The following TAC1 variants were observed in gnomAD, a reference collection of about 807,000 sequenced individuals.
The protein encoded by TAC1 is protachykinin-1.
In TAC1, 12 loss-of-function variants were observed where a neutral mutation model predicts 21.7. The observed-to-expected ratio is 0.55, with a 90% confidence interval of 0.35 to 0.89. TAC1 has a LOEUF of 0.89. Ranked by LOEUF, TAC1 falls within the 40% of genes least tolerant of loss-of-function variation. The pLI, the probability that TAC1 is intolerant of heterozygous loss-of-function variation, is 0.01. For synonymous variants in TAC1, 52 were observed against 52.0 expected (o/e 1.00, Z 0.00); for missense variants, 128 against 151.4 (o/e 0.85, Z 0.81).
At position 97,732,500 on chromosome 7, in the gene TAC1, T is replaced by C; in HGVS notation, c.-9-104T>C. The C allele has an allele frequency of 7.3e-7, 1 of 1,363,370 alleles. No individual in the cohort carries two copies. The highest frequency in any genetic ancestry group is 1.3e-5 in the South Asian group (1 of 76,160). 84.5% of individuals were successfully genotyped at this position (1,363,370 alleles called of 1,614,324 possible). ...TCCTTATGTTTTTGATCTTGGTTCA[T>C]CCGTTGTGGGGCAGAAAATTCTGTT... is the stretch of plus-strand genomic sequence containing the variant. On this transcript the variant is annotated intron_variant, in intron 1 of 6. Transcript: ENST00000319273. This position sits in a 1 kb window ranked among gnomAD's most constrained non-coding sequence, Gnocchi z 6.2.
At chr7:97,736,240 T>G in intron 5 of TAC1, 59 bp from the exon 6 acceptor site, 1 of 1,418,372 alleles carries the variant, frequency 7.1e-7, no homozygotes, top group Non-Finnish European at 9.8e-7. Flanking sequence ...GTTCTGGTTA[T>G]AATAGTTTGT....
At position 97,734,813 on chromosome 7, in the gene TAC1, A is replaced by C. The variant is rs1417228235; in HGVS notation, c.266-13A>C. 1.9e-6 allele frequency: 3 copies of C among 1,588,568 alleles called. No individual in the cohort carries two copies. Among genetic ancestry groups the C allele is most frequent in the Admixed American group, 3.4e-5 (2 of 57,984 alleles). On this transcript the variant is annotated splice_polypyrimidine_tract_variant and intron_variant, in intron 4 of 6. Transcript: ENST00000319273. ...AAATCTATATGTGTTTGCTAATTTTATCTTTCTTCTAGGACATGGCCAGAT... is the reference window on the plus strand; with the variant it reads ...AAATCTATATGTGTTTGCTAATTTTCTCTTTCTTCTAGGACATGGCCAGAT...
At chr7:97,739,781 T>C in intron 6 of TAC1, 93 bp from the exon 7 acceptor site, 1 of 819,004 alleles carries the variant, frequency 1.2e-6, no homozygotes, top group Non-Finnish European at 1.9e-6. Context: ...TCATTATGAG[T>C]TTAAAATAAA....
At chr7:97,733,456 G>T (rs990738904) in intron 2 of TAC1, among the ~76,000 whole-genome samples, 3 of 152,094 alleles carry the variant, frequency 2.0e-5, no homozygotes, top group Admixed American at 2.0e-4. Context: ...CCCGGGCTGG[G>T]AGGAAAGAGC....
chr7:97,732,807 G>A lies in TAC1; in HGVS notation c.123+72G>A. The A allele has an allele frequency of 3.2e-6, 5 of 1,552,628 alleles. No homozygotes were observed. Among genetic ancestry groups the A allele is most frequent in the South Asian group, 1.2e-5 (1 of 85,198 alleles). ...GGAGCTGTCACCTTCCCACGCAACA[G>A]CACCCTAGTTAACGTGGCACGCACC... On this transcript the variant is annotated intron_variant, in intron 2 of 6. Coordinates refer to ENST00000319273, the MANE Select transcript of TAC1 (RefSeq NM_003182.3). This position sits in a 1 kb window ranked among gnomAD's most constrained non-coding sequence, Gnocchi z 6.2.
At position 97,739,926 on chromosome 7, in the gene TAC1, T is replaced by C; in HGVS notation, c.*6T>C. ...ATTATGAAAGAAGACGTTAATAAAC[T>C]ACCTAACATTATTTATTCAGCTTCA... On this transcript the variant is annotated 3_prime_UTR_variant, in exon 7 of 7. Transcript: ENST00000319273. The C allele has an allele frequency of 6.3e-7, 1 of 1,594,924 alleles. No individual in the cohort carries two copies.
chr7:97,734,737 T>G, intron 4 of TAC1, 89 bp from the exon 5 acceptor site: 1 of 1,009,302 alleles, frequency 9.9e-7, no homozygotes, highest in Non-Finnish European at 1.5e-6. Flanking sequence ...TGTTACATAT[T>G]TTGAGAATCA....
Position 97,739,939 on chromosome 7 carries a change from T to C in TAC1, c.*19T>C, listed in dbSNP as rs770418943. ...ACGTTAATAAACTACCTAACATTAT[T>C]TATTCAGCTTCATTTGTGTCAATGG... On this transcript the variant is annotated 3_prime_UTR_variant, in exon 7 of 7. Transcript: ENST00000319273. The C allele has an allele frequency of 4.4e-6, 7 of 1,579,312 alleles. No homozygotes were observed. Among genetic ancestry groups the C allele is most frequent in the Non-Finnish European group, 6.1e-6 (7 of 1,156,760 alleles).
chr7:97,736,656 G>A (rs1789580321), intron 6 of TAC1, among the ~76,000 whole-genome samples: 2 of 152,022 alleles, frequency 1.3e-5, no homozygotes, highest in Admixed American at 6.5e-5. Flanking sequence ...TAAATAAGCC[G>A]TGTTTAACCT....
At chr7:97,735,019 A>G (rs930538802) in intron 5 of TAC1, among the ~76,000 whole-genome samples, 170 bp downstream of exon 5, 1 of 152,206 alleles carries the variant, frequency 6.6e-6, no homozygotes, top group African/African-American at 2.4e-5. Flanking sequence ...ATGGTTGTTT[A>G]GACATATTGT....
intron 6 of TAC1, among the ~76,000 whole-genome samples, chr7:97,737,608 A>G: frequency 6.6e-6 from 1 of 152,036 alleles, no homozygotes; most frequent in East Asian, 1.9e-4. Context: ...AAAATTTCCA[A>G]TAAATCTGGA....
chr7:97,736,438 G>T, intron 6 of TAC1, 86 bp downstream of exon 6: 1 of 1,255,100 alleles, frequency 8.0e-7, no homozygotes, highest in Non-Finnish European at 1.1e-6. Context: ...ATATTAAAAA[G>T]GAGTGGTAGA....
intron 5 of TAC1, among the ~76,000 whole-genome samples, chr7:97,735,449 G>A (rs1386831015): frequency 1.3e-5 from 2 of 152,174 alleles, no homozygotes; most frequent in African/African-American, 4.8e-5. Flanking sequence ...ATTGTGGTAT[G>A]TGAAGGTCAT....
chr7:97,736,403 A>G (rs1448132343), intron 6 of TAC1, 51 bp downstream of exon 6: 2 of 1,494,438 alleles, frequency 1.3e-6, no homozygotes, highest in African/African-American at 2.8e-5. Flanking sequence ...ATCTATTTCT[A>G]TTTTTTCTAA....
intron 2 of TAC1, among the ~76,000 whole-genome samples, chr7:97,733,452 C>G (rs1159730291): frequency 1.3e-5 from 2 of 151,930 alleles, no homozygotes; most frequent in African/African-American, 4.8e-5. Context: ...GGTCCCCGGG[C>G]TGGGAGGAAA....
intron 2 of TAC1, 125 bp from the exon 3 acceptor site, chr7:97,733,598 C>T: frequency 1.2e-6 from 1 of 842,912 alleles, no homozygotes; most frequent in Non-Finnish European, 1.9e-6. Context: ...CCGCTCAGCC[C>T]GAGCGTGGGG....
At position 97,740,361 on chromosome 7, in the gene TAC1, G is replaced by A. The variant is rs1736065715; in HGVS notation, c.*441G>A. The A allele has an allele frequency of 6.5e-6, 1 of 153,088 alleles. No homozygotes were observed. Among genetic ancestry groups the A allele is most frequent in the Admixed American group, 6.5e-5 (1 of 15,282 alleles). The allele number at this position is 153,088 out of a possible 1,614,324, so 9.5% of individuals were successfully genotyped here. Reference sequence around the variant, plus strand: ...ATCTCTGAAGCATGTTTCATGTTTTGTGACTATATAGAGATGTTTTTAAAA... The same window carrying A: ...ATCTCTGAAGCATGTTTCATGTTTTATGACTATATAGAGATGTTTTTAAAA... On this transcript the variant is annotated 3_prime_UTR_variant, in exon 7 of 7. Coordinates refer to ENST00000319273, the MANE Select transcript of TAC1 (RefSeq NM_003182.3).
chr7:97,734,076 A>C, intron 3 of TAC1, 172 bp from the exon 4 acceptor site: 1 of 701,906 alleles, frequency 1.4e-6, no homozygotes, highest in Non-Finnish European at 2.4e-6. Context: ...GACAAAGGGA[A>C]GGCACGGGCC....
In TAC1 at chr7:97,734,300, T is replaced by G; in HGVS notation, c.265+8T>G. ...TGTTAAAGGCTCTTTATGGTAAACATTCCTATAAATCTTTATTTTACTATT... is the reference window on the plus strand; with the variant it reads ...TGTTAAAGGCTCTTTATGGTAAACAGTCCTATAAATCTTTATTTTACTATT... On this transcript the variant is annotated splice_region_variant and intron_variant, in intron 4 of 6. Coordinates refer to ENST00000319273, the MANE Select transcript of TAC1 (RefSeq NM_003182.3). The G allele has an allele frequency of 6.2e-7, 1 of 1,610,546 alleles. No individual in the cohort carries two copies. Among genetic ancestry groups the G allele is most frequent in the Non-Finnish European group, 8.5e-7 (1 of 1,177,068 alleles).
Sources: gnomAD v4.1 joint callset for allele counts (sites outside exome capture counted in the v4.1 genomes callset) on GRCh38, gnomAD v4.1.1 for gene constraint, Gnocchi (gnomAD v3.1) non-coding constraint, MANE v1.5 for transcripts, NCBI Gene and HGNC (gene_info 2026-07-23, HGNC 2026-07-21) for gene names.